Variants in FAR2 observed in about 807,000 individuals in gnomAD.
FAR2 encodes fatty acyl-CoA reductase 2, also known as epididymis secretory protein Li 81.
In FAR2, 19 loss-of-function variants were observed where a neutral mutation model predicts 56.0. The ratio of observed to expected loss-of-function variants is 0.34; its 90% CI spans 0.24 to 0.50. The LOEUF is 0.50. Ranked by LOEUF, FAR2 falls within the 20% of genes least tolerant of loss-of-function variation. The probability of loss-of-function intolerance (pLI) is 0.98; values close to 1 mark genes in which losing one functional copy is unlikely to be tolerated. For synonymous variants in FAR2, 219 were observed against 218.8 expected, an observed-to-expected ratio of 1.00 and a Z score of -0.01; for missense variants, 508 against 642.2, an observed-to-expected ratio of 0.79 and a Z score of 2.26.
intron 9 of FAR2, among the ~76,000 whole-genome samples, chr12:29,321,493 A>C (rs1949550730): frequency 1.3e-5 from 2 of 152,224 alleles, no homozygotes; most frequent in South Asian, 4.1e-4. Context: ...ACAGTATGTC[A>C]TTCAAGCTGA....
At chr12:29,152,816 G>T (rs1403553453) in intron 1 of FAR2, among the ~76,000 whole-genome samples, 1 of 152,230 alleles carries the variant, frequency 6.6e-6, no homozygotes, top group Non-Finnish European at 1.5e-5. Flanking sequence ...TAATTCCCAA[G>T]AAGAGAATAA....
rs1171010132 is a variant in FAR2, at chr12:29,244,768, A to C, written c.-38-25644A>C. Among the ~76,000 whole-genome samples, 10 of 152,350 alleles carry C rather than the reference A, an allele frequency of 6.6e-5. No individual in the cohort carries two copies. In the South Asian group the frequency reaches 1.5e-3, roughly 22 times the overall value. ...CTAGAGACAAGATCTGACAGAACTTATTCATTCAATTACACTATCTAGGCT... is the reference window on the plus strand; with the variant it reads ...CTAGAGACAAGATCTGACAGAACTTCTTCATTCAATTACACTATCTAGGCT... On this transcript the variant is annotated intron_variant, in intron 1 of 11. Transcript: ENST00000536681.
At chr12:29,273,456 G>T (rs1258608067) in intron 2 of FAR2, among the ~76,000 whole-genome samples, 1 of 152,226 alleles carries the variant, frequency 6.6e-6, no homozygotes, top group African/African-American at 2.4e-5. Context: ...GGCTGCCACG[G>T]TGTGTAGGGC....
At chr12:29,234,797 ACT>A (rs1399669259) in intron 1 of FAR2, among the ~76,000 whole-genome samples, 1 of 151,986 alleles carries the variant, frequency 6.6e-6, no homozygotes, top group Non-Finnish European at 1.5e-5. Flanking sequence ...CAGTTCAGAT[ACT>A]CTCTCCTCAG....
At chr12:29,155,890 T>C (rs1460851381) in intron 1 of FAR2, among the ~76,000 whole-genome samples, 1 of 152,226 alleles carries the variant, frequency 6.6e-6, no homozygotes. Flanking sequence ...TTGTTTTTCA[T>C]TTATTTAATT....
rs530258158 is a variant in FAR2 at position 29,194,594 on chromosome 12, T to A, written c.-39+45187T>A. 1.0e-4 allele frequency among the ~76,000 whole-genome samples: 15 copies of A among 149,766 alleles called. No homozygotes were observed. In the South Asian group the frequency reaches 1.5e-3, roughly 15 times the overall value. On this transcript the variant is annotated intron_variant, in intron 1 of 11. Transcript: ENST00000536681. Reference sequence around the variant, plus strand: ...GGTATGAAGAGGTTTATTACTCCCATAATGATGCTTTCTGGAGAAAGCAGG... The same window carrying A: ...GGTATGAAGAGGTTTATTACTCCCAAAATGATGCTTTCTGGAGAAAGCAGG...
chr12:29,207,984 T>C (rs1200386168), intron 1 of FAR2, among the ~76,000 whole-genome samples: 1 of 152,222 alleles, frequency 6.6e-6, no homozygotes, highest in Non-Finnish European at 1.5e-5. Context: ...GGAGGATTAC[T>C]TGGGTCCAGA....
At chr12:29,166,255 T>C (rs774283075) in intron 1 of FAR2, among the ~76,000 whole-genome samples, 1 of 152,252 alleles carries the variant, frequency 6.6e-6, no homozygotes, top group East Asian at 1.9e-4. Flanking sequence ...CTTTTGTGTG[T>C]GTGTGTACAG....
chr12:29,297,312 A>C, intron 4 of FAR2, 112 bp downstream of exon 4: 1 of 1,049,652 alleles, frequency 9.5e-7, no homozygotes, highest in Non-Finnish European at 1.4e-6. Flanking sequence ...TTGAAGCAAA[A>C]TGTTTTGAAA....
At chr12:29,224,742 C>G (rs1044839595) in intron 1 of FAR2, among the ~76,000 whole-genome samples, 1 of 152,086 alleles carries the variant, frequency 6.6e-6, no homozygotes, top group African/African-American at 2.4e-5. Context: ...CATACCAAAG[C>G]AGTGACTTAT....
intron 1 of FAR2, among the ~76,000 whole-genome samples, chr12:29,258,059 A>G (rs541113825): frequency 2.0e-5 from 3 of 152,092 alleles, no homozygotes; most frequent in African/African-American, 7.2e-5. Context: ...TAAAAATCAC[A>G]GGGGCTGGGC....
chr12:29,319,916 T>C (rs1949524295), intron 9 of FAR2, among the ~76,000 whole-genome samples: 1 of 152,202 alleles, frequency 6.6e-6, no homozygotes, highest in Non-Finnish European at 1.5e-5. Flanking sequence ...AAGAAGACCT[T>C]CTTGGCTGGG....
intron 9 of FAR2, among the ~76,000 whole-genome samples, chr12:29,319,287 G>A (rs187419493): frequency 3.9e-5 from 6 of 152,212 alleles, no homozygotes; most frequent in East Asian, 1.9e-4. Context: ...CACCGCGCCC[G>A]GCCAAGGGGT....
intron 4 of FAR2, among the ~76,000 whole-genome samples, chr12:29,299,747 C>T (rs1310313881): frequency 1.3e-5 from 2 of 152,162 alleles, no homozygotes; most frequent in Admixed American, 1.3e-4. Context: ...ATGCTGCAGT[C>T]ACAAAGAAGT....
At chr12:29,316,590 T>TTTTCTGAACAGTACC (rs1949454675) in intron 8 of FAR2, among the ~76,000 whole-genome samples, 4 of 152,210 alleles carry the variant, frequency 2.6e-5, no homozygotes, top group Admixed American at 2.0e-4. Context: ...TGACAAGTGT[T>TTTTCTGAACAGTACC]TCCCCAATAG....
At chr12:29,311,230 C>A (rs1335374348) in intron 7 of FAR2, 84 bp downstream of exon 7, 1 of 927,358 alleles carries the variant, frequency 1.1e-6, no homozygotes. Context: ...ATAGGCATTT[C>A]ATTGTACAAG....
intron 1 of FAR2, among the ~76,000 whole-genome samples, chr12:29,186,802 ATTTTG>A (rs1279531655): frequency 3.6e-5 from 5 of 140,734 alleles, no homozygotes; most frequent in African/African-American, 1.4e-4. Context: ...TTATTTATTT[ATTTTG>A]AGACGGAGTC....
intron 1 of FAR2, among the ~76,000 whole-genome samples, chr12:29,168,256 C>A (rs140866247): frequency 1.1e-3 from 173 of 152,290 alleles, no homozygotes; most frequent in African/African-American, 3.9e-3. Flanking sequence ...CCTTTGCTGA[C>A]AGAAATTACT....
intron 10 of FAR2, among the ~76,000 whole-genome samples, chr12:29,327,821 T>C (rs1018104863): frequency 1.2e-4 from 19 of 152,070 alleles, no homozygotes; most frequent in African/African-American, 4.4e-4. Flanking sequence ...ACCTAGGCAA[T>C]ACCATTCAGG....
Sources: allele counts gnomAD v4.1 joint callset (sites outside exome capture counted in the v4.1 genomes callset), GRCh38; gene constraint gnomAD v4.1.1; transcripts MANE v1.5; gene names NCBI Gene and HGNC (gene_info 2026-07-23, HGNC 2026-07-21).